Variants in PAXIP1 observed in about 807,000 individuals in gnomAD.
PAXIP1 encodes the protein PAX-interacting protein 1.
In PAXIP1, 19 loss-of-function variants were observed where a neutral mutation model predicts 140.6. The ratio of observed to expected loss-of-function variants is 0.14; its 90% CI spans 0.09 to 0.20. The LOEUF (loss-of-function observed/expected upper bound fraction) is 0.20. Among genes scored for constraint, PAXIP1 ranks in the 10% least tolerant of loss-of-function variants. The pLI, the probability that PAXIP1 is intolerant of heterozygous loss-of-function variation, is 1.00. For missense variants in PAXIP1, 920 were observed against 1,208.6 expected (o/e 0.76, Z 3.54); for synonymous variants, 442 against 444.6 (o/e 0.99, Z 0.07).
In PAXIP1 at chr7:154,954,402, C is replaced by T; in HGVS notation, c.2674G>A (p.Glu892Lys). Residue 892 changes from glutamate to lysine, a missense_variant, in exon 16 of 21, where the codon GAG becomes AAG. This residue lies in a region of PAXIP1 where 303 missense variants were observed against 517.9 expected (regional missense o/e 0.59). Transcript: ENST00000404141. The surrounding 1 kb of genome is among the most constrained non-coding windows in gnomAD (Gnocchi z 5.1). ...YIKKLYILGG[E>K]VAESAQKCTH... ...CACTTCTGTGCAGACTCCGCAACCT[C>T]TCCACCAAGAATGTAGAGCTTCTAA... is the stretch of plus-strand genomic sequence containing the variant. The T allele has an allele frequency of 6.4e-7, 1 of 1,559,180 alleles. No homozygotes were observed. Among genetic ancestry groups the T allele is most frequent in the Non-Finnish European group, 8.7e-7 (1 of 1,144,242 alleles).
In PAXIP1 at chr7:154,975,915, C is replaced by T. The variant is rs1270921693; in HGVS notation, c.855G>A (p.Lys285=). The T allele has an allele frequency of 6.2e-7, 1 of 1,614,006 alleles. No homozygotes were observed. The highest frequency in any genetic ancestry group is 1.7e-5 in the Admixed American group (1 of 60,024). ...AAAKRRLPQG[K]EPGLINLCAN... ...CACACAAGTTAATCAACCCAGGCTC[C>T]TTTCCCTGAGGCAGCCTGCGTTTTG... The change falls in exon 6 of 21, where the codon AAG becomes AAA. Residue 285 remains lysine, a synonymous_variant. Transcript: ENST00000404141.
chr7:154,998,003 C>G (rs1810716896), intron 2 of PAXIP1, among the ~76,000 whole-genome samples: 1 of 152,234 alleles, frequency 6.6e-6, no homozygotes, highest in Admixed American at 6.5e-5. Flanking sequence ...GGCATCAGAT[C>G]TGTTTCCCAT....
chr7:154,970,357 A>G (rs1429654658), intron 6 of PAXIP1, among the ~76,000 whole-genome samples: 1 of 152,252 alleles, frequency 6.6e-6, no homozygotes, highest in African/African-American at 2.4e-5. Context: ...CAAAGATTAT[A>G]TGACCTGCAA....
chr7:154,997,795 G>A (rs1810706884), intron 2 of PAXIP1, among the ~76,000 whole-genome samples: 1 of 152,214 alleles, frequency 6.6e-6, no homozygotes, highest in Non-Finnish European at 1.5e-5. Context: ...TGTGACTAAA[G>A]GCCATTGTGA....
chr7:155,002,371 G>A (rs940747923), intron 1 of PAXIP1, among the ~76,000 whole-genome samples: 1 of 152,102 alleles, frequency 6.6e-6, no homozygotes, highest in African/African-American at 2.4e-5. Flanking sequence ...GCCGGTGCAC[G>A]GCCACGACCC....
chr7:154,998,809 A>T lies in PAXIP1; in HGVS notation c.82-25T>A, dbSNP rs148193245. ...CCTAAAAAACAAGAAAATCCACACAAATTAAAATGGGCAATACTGTACTGT... is the reference window on the plus strand; with the variant it reads ...CCTAAAAAACAAGAAAATCCACACATATTAAAATGGGCAATACTGTACTGT... On this transcript the variant is annotated intron_variant, in intron 1 of 20. Transcript: ENST00000404141. The T allele has an allele frequency of 9.4e-3, 15,030 of 1,596,348 alleles. 127 individuals are homozygous for T. Among genetic ancestry groups the T allele is most frequent in the Non-Finnish European group, 0.01 (11,790 of 1,169,324 alleles).
rs750427365 is a variant in PAXIP1 at position 154,946,376 on chromosome 7, C to T, written c.3183G>A (p.Leu1061=). Reference sequence around the variant, plus strand: ...TTTGGAAAGGATATGATTCATAGTCCAGCGTTTGAGTGAGCACTCCAGTCA... The same window carrying T: ...TTTGGAAAGGATATGATTCATAGTCTAGCGTTTGAGTGAGCACTCCAGTCA... ...FVLTGVLTQT[L]DYESYKFN Residue 1061 remains leucine (L), a synonymous_variant, in exon 20 of 21, where the codon CTG becomes CTA. Transcript: ENST00000404141. This position sits in a 1 kb window ranked among gnomAD's most constrained non-coding sequence, Gnocchi z 4.9. 85 of 1,613,836 alleles carry T rather than the reference C, an allele frequency of 5.3e-5. No individual in the cohort carries two copies. The highest frequency in any genetic ancestry group is 6.9e-5 in the Non-Finnish European group (81 of 1,179,876).
chr7:154,967,771 A>C (rs376557631), intron 8 of PAXIP1, 45 bp downstream of exon 8: 35 of 1,312,582 alleles, frequency 2.7e-5, no homozygotes, highest in Admixed American at 5.2e-5. Flanking sequence ...CATAAGAAAG[A>C]AGCATCTTCA....
At chr7:154,983,393 T>C (rs1435681377) in intron 4 of PAXIP1, 61 bp from the exon 5 acceptor site, 3 of 765,360 alleles carry the variant, frequency 3.9e-6, no homozygotes, top group Non-Finnish European at 6.8e-6. Flanking sequence ...TGGCTATATT[T>C]TCACTTTAGT....
rs1808679254 is a variant in PAXIP1, at chr7:154,959,818, G to A, written c.2478+72C>T. ...GTTACTAAAATAATTTTTAATTTAT[G>A]AAGACAAATACATCCCTACTGCATC... On this transcript the variant is annotated intron_variant, in intron 13 of 20. Transcript: ENST00000404141. 4 of 935,284 alleles carry A rather than the reference G, an allele frequency of 4.3e-6. 1 individual carries two copies. The highest frequency in any genetic ancestry group is 4.8e-5 in the East Asian group (2 of 41,500). 57.9% of individuals were successfully genotyped at this position (935,284 alleles called of 1,614,324 possible).
rs1810098759 is a variant in PAXIP1, at chr7:154,986,896, T to C, written c.325-3564A>G. Among the ~76,000 whole-genome samples the C allele has an allele frequency of 6.6e-6, 1 of 152,138 alleles. No homozygotes were observed. The highest frequency in any genetic ancestry group is 1.9e-4 in the East Asian group (1 of 5,192). ...TTTGCTAAAAGGATATAAAATACTA[T>C]CAAAGAGCTTGCTAAGAAATTAACC... On this transcript the variant is annotated intron_variant, in intron 4 of 20. Transcript: ENST00000404141. This position sits in a 1 kb window ranked among gnomAD's most constrained non-coding sequence, Gnocchi z 4.8.
chr7:154,981,050 G>T (rs533126013), intron 5 of PAXIP1, among the ~76,000 whole-genome samples: 1 of 152,246 alleles, frequency 6.6e-6, no homozygotes, highest in Admixed American at 6.5e-5. Context: ...GAACCCGGGA[G>T]ATGGAGGATG....
rs566464806 is a variant in PAXIP1 at position 154,988,573 on chromosome 7, A to C, written c.324+2433T>G. On this transcript the variant is annotated intron_variant, in intron 4 of 20. Coordinates refer to ENST00000404141, the MANE Select transcript of PAXIP1 (RefSeq NM_007349.4). ...ACAATATCTAATTACCTCATTTGAA[A>C]CCCTATAATCATCTTATACTCACAT... 5.3e-5 allele frequency among the ~76,000 whole-genome samples: 8 copies of C among 152,262 alleles called. No homozygotes were observed. In the East Asian group the frequency reaches 1.3e-3, roughly 26 times the overall value.
In PAXIP1 at chr7:154,955,533, A is replaced by C; in HGVS notation, c.2648T>G (p.Ile883Ser). 6.3e-7 allele frequency: 1 copy of C among 1,599,522 alleles called. No homozygotes were observed. The highest frequency in any genetic ancestry group is 8.6e-7 in the Non-Finnish European group (1 of 1,167,826). ...GFEPVQVQQY[I>S]KKLYILGGEV... ...ACGAAGTAGATGAAATTTCACCTTAATATACTGTTGAACCTGGACAGGCTC... is the reference window on the plus strand; with the variant it reads ...ACGAAGTAGATGAAATTTCACCTTACTATACTGTTGAACCTGGACAGGCTC... The change falls in exon 15 of 21, where the codon ATT becomes AGT. Residue 883 changes from isoleucine (I) to serine (S), a missense_variant. Around this residue, in one of 5 missense-constraint regions of PAXIP1, gnomAD observed 303 missense variants for 517.9 expected, o/e 0.59. Coordinates refer to ENST00000404141, the MANE Select transcript of PAXIP1 (RefSeq NM_007349.4).
chr7:154,982,973 ATT>A (rs1272107970), intron 5 of PAXIP1, among the ~76,000 whole-genome samples: 1 of 146,754 alleles, frequency 6.8e-6, no homozygotes, highest in African/African-American at 2.4e-5. Flanking sequence ...GATTAATAAA[ATT>A]TTCCTGTTTT....
In PAXIP1 at chr7:154,954,426, A is replaced by G; in HGVS notation, c.2653-3T>C. ...TCTCCACCAAGAATGTAGAGCTTCT[A>G]AAGGTCACAAACACAGGTCGGAAAT... On this transcript the variant is annotated splice_polypyrimidine_tract_variant and splice_region_variant and intron_variant, in intron 15 of 20. Coordinates refer to ENST00000404141, the MANE Select transcript of PAXIP1 (RefSeq NM_007349.4). The surrounding 1 kb of genome is among the most constrained non-coding windows in gnomAD (Gnocchi z 5.1). 1 of 1,528,022 alleles carries G rather than the reference A, an allele frequency of 6.5e-7. No homozygotes were observed. Among genetic ancestry groups the G allele is most frequent in the Admixed American group, 1.9e-5 (1 of 53,452 alleles). The allele number at this position is 1,528,022 out of a possible 1,614,324, so 94.7% of individuals were successfully genotyped here.
intron 6 of PAXIP1, chr7:154,974,508 CT>C (rs1376460739): frequency 6.6e-6 from 1 of 152,238 alleles, no homozygotes; most frequent in East Asian, 1.9e-4. Flanking sequence ...CCATTTGGGT[CT>C]TCCTTTTGCC....
chr7:154,994,712 A>AT (rs1488509822), intron 2 of PAXIP1, among the ~76,000 whole-genome samples: 2 of 152,184 alleles, frequency 1.3e-5, no homozygotes, highest in Non-Finnish European at 2.9e-5. Flanking sequence ...ATTTTTCAGC[A>AT]TAACTCTAAA....
chr7:154,962,711 A>G (rs978667157), intron 9 of PAXIP1: 9 of 330,662 alleles, frequency 2.7e-5, no homozygotes, highest in African/African-American at 1.5e-4. Flanking sequence ...AACCTTAAAA[A>G]TAACTTCAGT....
Sources: allele counts gnomAD v4.1 joint callset (sites outside exome capture counted in the v4.1 genomes callset), GRCh38; gene constraint gnomAD v4.1.1; regional missense constraint gnomAD v4.1.1; non-coding constraint Gnocchi (gnomAD v3.1); transcripts MANE v1.5; gene names NCBI Gene and HGNC (gene_info 2026-07-23, HGNC 2026-07-21).